The following PYHIN1 variants were observed in gnomAD, a reference collection of about 807,000 sequenced individuals.
PYHIN1 encodes pyrin and HIN domain family member 1.
In PYHIN1, 32 loss-of-function variants were observed where a neutral mutation model predicts 43.7. The observed-to-expected ratio is 0.73, with a 90% CI of 0.55 to 0.98. The LOEUF (loss-of-function observed/expected upper bound fraction) is 0.98, where lower values mean the gene tolerates loss of function less well. PYHIN1 is among the 50% of genes least tolerant of loss of function. The pLI is 0.00. For synonymous variants in PYHIN1, 205 were observed against 203.1 expected, an observed-to-expected ratio of 1.01 and a Z score of -0.08; for missense variants, 588 against 589.5, an observed-to-expected ratio of 1.00 and a Z score of 0.03.
chr1:158,966,804 GAC>G (rs1274912241), intron 7 of PYHIN1, among the ~76,000 whole-genome samples: 42 of 152,024 alleles, frequency 2.8e-4, no homozygotes, highest in Non-Finnish European at 4.7e-4. Flanking sequence ...ACTGGAACAA[GAC>G]AAGGATGGCC....
At chr1:158,989,784 T>C in the PYHIN1 span, among the ~76,000 whole-genome samples, 1 of 152,178 alleles carries the variant, frequency 6.6e-6, no homozygotes, top group African/African-American at 2.4e-5. Context: ...AAAGGTACAT[T>C]ATTACAGCAA....
intron 7 of PYHIN1, among the ~76,000 whole-genome samples, chr1:158,967,818 A>G (rs1650712936): frequency 1.3e-5 from 2 of 152,114 alleles, no homozygotes; most frequent in African/African-American, 2.4e-5. Context: ...ATCTTTGACA[A>G]AGTTGACAAT....
At chr1:158,985,582 A>G in the PYHIN1 span, among the ~76,000 whole-genome samples, 2 of 152,030 alleles carry the variant, frequency 1.3e-5, no homozygotes, top group African/African-American at 4.8e-5. Flanking sequence ...GCTGCCTTTC[A>G]TATGTTTTAT....
At chr1:158,942,792 G>T (rs1252308184) in intron 5 of PYHIN1, among the ~76,000 whole-genome samples, 2 of 152,122 alleles carry the variant, frequency 1.3e-5, no homozygotes, top group African/African-American at 4.8e-5. Flanking sequence ...TTTGAATACA[G>T]TATTGTTCTT....
intron 7 of PYHIN1, among the ~76,000 whole-genome samples, chr1:158,969,512 A>G (rs1650819175): frequency 6.6e-6 from 1 of 151,930 alleles, no homozygotes; most frequent in African/African-American, 2.4e-5. Context: ...AGGAGTTCTC[A>G]TTTTTACATT....
intron 7 of PYHIN1, among the ~76,000 whole-genome samples, chr1:158,961,729 A>C (rs1650329467): frequency 6.6e-6 from 1 of 152,134 alleles, no homozygotes; most frequent in African/African-American, 2.4e-5. Context: ...ACCCCACTGG[A>C]GCCTTCAGAT....
the PYHIN1 span, among the ~76,000 whole-genome samples, chr1:158,982,291 T>G: frequency 2.6e-5 from 4 of 152,162 alleles, no homozygotes; most frequent in Non-Finnish European, 5.9e-5. Context: ...TAAGTTTTTT[T>G]TAACTTTATA....
rs1486938280 is a variant in PYHIN1 at position 158,938,381 on chromosome 1, CT to C, written c.266-10del. ...ATCTGCTCTGGGTTTATACATCTTC[CT>C]TTTTTCTGCATTAGTTGCAAATAAA... On this transcript the variant is annotated splice_polypyrimidine_tract_variant and intron_variant, in intron 2 of 8. Coordinates refer to ENST00000368140, the MANE Select transcript of PYHIN1 (RefSeq NM_152501.5). 3 of 1,613,826 alleles carry C rather than the reference CT, an allele frequency of 1.9e-6. No homozygotes were observed. Among genetic ancestry groups the C allele is most frequent in the African/African-American group, 2.7e-5 (2 of 74,940 alleles).
chr1:158,966,677 AC>A (rs1486673681), intron 7 of PYHIN1, among the ~76,000 whole-genome samples: 2 of 152,092 alleles, frequency 1.3e-5, no homozygotes, highest in African/African-American at 4.8e-5. Flanking sequence ...CATGTTAAAA[AC>A]CCTAAATACT....
At chr1:158,932,236 A>G (rs985925997) in intron 1 of PYHIN1, among the ~76,000 whole-genome samples, 5 of 152,178 alleles carry the variant, frequency 3.3e-5, no homozygotes, top group African/African-American at 1.2e-4. Context: ...GTTCTCACTT[A>G]TAAGTGGAAG....
rs1649163700 is a variant in PYHIN1, at chr1:158,945,301, T to C, written c.1359+259T>C. The C allele has an allele frequency of 2.0e-5, 6 of 295,674 alleles. No individual in the cohort carries two copies. The East Asian group carries it at 3.3e-4, about 16-fold the overall frequency. The allele number at this position is 295,674 out of a possible 1,614,324, so 18.3% of individuals were successfully genotyped here. On this transcript the variant is annotated intron_variant, in intron 7 of 8. Coordinates refer to ENST00000368140, the MANE Select transcript of PYHIN1 (RefSeq NM_152501.5). ...TGTCTTGCTCCACCTATGGGAGGGGTAATGGCCAGAGAAGTAGAGATGAAG... is the reference window on the plus strand; with the variant it reads ...TGTCTTGCTCCACCTATGGGAGGGGCAATGGCCAGAGAAGTAGAGATGAAG...
chr1:158,988,704 TG>T, the PYHIN1 span, among the ~76,000 whole-genome samples: 1 of 152,132 alleles, frequency 6.6e-6, no homozygotes, highest in African/African-American at 2.4e-5. Flanking sequence ...AGCACAATGT[TG>T]AAGGAATACC....
intron 7 of PYHIN1, 111 bp from the exon 8 acceptor site, chr1:158,973,536 C>CAT (rs1185458009): frequency 2.4e-5 from 24 of 1,014,218 alleles, no homozygotes; most frequent in Non-Finnish European, 3.1e-5. Context: ...CACACACACA[C>CAT]ATATACACAC....
intron 7 of PYHIN1, among the ~76,000 whole-genome samples, chr1:158,958,769 A>T (rs1186729524): frequency 5.5e-5 from 4 of 73,320 alleles, no homozygotes; most frequent in Non-Finnish European, 1.2e-4. Flanking sequence ...AAAAAAAGAA[A>T]AGAAAAAAAA....
chr1:158,944,862 T>C lies in PYHIN1; in HGVS notation c.1192-13T>C, dbSNP rs1471878957. ...TATTAAAAAACATTAAACAAAAAAA[T>C]GAATACTTTCAGATACAGAAAAATA... On this transcript the variant is annotated splice_polypyrimidine_tract_variant and intron_variant, in intron 6 of 8. Transcript: ENST00000368140. 3.3e-6 allele frequency: 5 copies of C among 1,529,362 alleles called. No individual in the cohort carries two copies. In the African/African-American group the frequency reaches 4.2e-5, roughly 13 times the overall value. The allele number at this position is 1,529,362 out of a possible 1,614,324, so 94.7% of individuals were successfully genotyped here.
intron 7 of PYHIN1, among the ~76,000 whole-genome samples, chr1:158,956,089 G>T (rs368654359): frequency 6.9e-6 from 1 of 144,858 alleles, no homozygotes; most frequent in Non-Finnish European, 1.5e-5. Context: ...AATAACAGGA[G>T]CTGAAATTGT....
chr1:158,941,650 T>C (rs548433105), intron 4 of PYHIN1, among the ~76,000 whole-genome samples: 2 of 152,358 alleles, frequency 1.3e-5, no homozygotes, highest in South Asian at 2.1e-4. Flanking sequence ...AGAGTAAAAC[T>C]ACAACTCATT....
At chr1:158,960,931 A>C (rs1004563548) in intron 7 of PYHIN1, among the ~76,000 whole-genome samples, 5 of 152,222 alleles carry the variant, frequency 3.3e-5, no homozygotes, top group African/African-American at 1.2e-4. Flanking sequence ...GTAGATATGA[A>C]TAAAGAAGTT....
rs1167818603 is a variant in PYHIN1, at chr1:158,937,095, T to C, written c.185T>C (p.Leu62Ser). ...GAAAAGTTCCCAGGTGATGCCGGTT[T>C]GGGCAAACTAATAGAATTCTTCAAA... ...MEEKFPGDAG[L>S]GKLIEFFKEI... The change falls in exon 2 of 9, where the codon TTG becomes TCG. Residue 62 changes from leucine to serine, a missense_variant. Transcript: ENST00000368140. 1.2e-6 allele frequency: 2 copies of C among 1,613,878 alleles called. No individual in the cohort carries two copies. Among genetic ancestry groups the C allele is most frequent in the Non-Finnish European group, 1.7e-6 (2 of 1,179,952 alleles).
Sources: gnomAD v4.1 joint callset for allele counts (sites outside exome capture counted in the v4.1 genomes callset) on GRCh38, gnomAD v4.1.1 for gene constraint, MANE v1.5 for transcripts, NCBI Gene and HGNC (gene_info 2026-07-23, HGNC 2026-07-21) for gene names.